Variants in POU6F2 observed in about 807,000 individuals in gnomAD.
POU6F2 encodes the protein POU class 6 homeobox 2.
POU6F2 carries 31 observed loss-of-function variants against 71.3 expected under a neutral mutation model. The ratio of observed to expected loss-of-function variants is 0.43; its 90% CI spans 0.33 to 0.59. The LOEUF (loss-of-function observed/expected upper bound fraction) is 0.59, where lower values mean the gene tolerates loss of function less well. POU6F2 is among the 20% of genes least tolerant of loss of function. POU6F2 has a pLI of 0.04. For synonymous variants in POU6F2, 347 were observed against 355.7 expected (o/e 0.98, Z 0.27); for missense variants, 783 against 856.8 (o/e 0.91, Z 1.07).
chr7:38,991,857 T>C (rs1788611691), intron 1 of POU6F2, among the ~76,000 whole-genome samples: 1 of 146,200 alleles, frequency 6.8e-6, no homozygotes, highest in South Asian at 2.1e-4. Context: ...TCTCTCTCTC[T>C]CCCTCTCTCT....
intron 7 of POU6F2, among the ~76,000 whole-genome samples, chr7:39,449,047 C>T (rs1330197136): frequency 6.6e-6 from 1 of 152,188 alleles, no homozygotes; most frequent in Admixed American, 6.5e-5. Flanking sequence ...TTTGGGATCC[C>T]ATGTCAATTG....
At chr7:39,369,666 T>C (rs1786570248) in intron 5 of POU6F2, among the ~76,000 whole-genome samples, 1 of 152,086 alleles carries the variant, frequency 6.6e-6, no homozygotes, top group East Asian at 1.9e-4. Context: ...GCCCAGTCAA[T>C]TGTTAGCATT....
intron 1 of POU6F2, among the ~76,000 whole-genome samples, chr7:39,062,109 A>T (rs1208509961): frequency 6.6e-6 from 1 of 152,164 alleles, no homozygotes; most frequent in Admixed American, 6.5e-5. Context: ...GTTCATGGAT[A>T]CTACACGTGT....
chr7:39,260,288 T>C (rs1784108250), intron 4 of POU6F2, among the ~76,000 whole-genome samples: 2 of 125,588 alleles, frequency 1.6e-5, no homozygotes, highest in East Asian at 2.4e-4. Context: ...CCACACACAC[T>C]CTCCATACCA....
intron 1 of POU6F2, among the ~76,000 whole-genome samples, chr7:38,996,432 CAGAA>C (rs35573708): frequency 0.16 from 23,892 of 152,050 alleles, 2,294 homozygotes; most frequent in Middle Eastern, 0.22. Flanking sequence ...TCCTTCTCTC[CAGAA>C]AGAGTCATTC....
intron 1 of POU6F2, among the ~76,000 whole-genome samples, chr7:39,064,068 A>G (rs1790710195): frequency 6.6e-6 from 1 of 152,148 alleles, no homozygotes; most frequent in East Asian, 1.9e-4. Context: ...CGTGAAGTAA[A>G]TGGATTGCTG....
At chr7:39,241,269 A>T (rs1222142687) in intron 4 of POU6F2, among the ~76,000 whole-genome samples, 1 of 152,176 alleles carries the variant, frequency 6.6e-6, no homozygotes, top group Non-Finnish European at 1.5e-5. Context: ...AGATTTACAT[A>T]ATCAATGGAG....
intron 4 of POU6F2, among the ~76,000 whole-genome samples, chr7:39,213,913 T>C (rs1794191246): frequency 6.6e-6 from 1 of 152,228 alleles, no homozygotes; most frequent in Non-Finnish European, 1.5e-5. Flanking sequence ...TCCGTTATCT[T>C]CCTTGGCCAC....
At chr7:39,271,285 G>A (rs1466938127) in intron 4 of POU6F2, among the ~76,000 whole-genome samples, 2 of 152,122 alleles carry the variant, frequency 1.3e-5, no homozygotes, top group African/African-American at 4.8e-5. Flanking sequence ...TACATATTGT[G>A]TTTGGCTGTT....
At chr7:39,162,333 G>T (rs749075592) in intron 2 of POU6F2, among the ~76,000 whole-genome samples, 1 of 152,164 alleles carries the variant, frequency 6.6e-6, no homozygotes, top group Non-Finnish European at 1.5e-5. Flanking sequence ...GTAGAAGAGT[G>T]GTACACGTTC....
At position 39,460,505 on chromosome 7, in the gene POU6F2, T is replaced by A; in HGVS notation, c.1490-42T>A. 1 of 1,599,190 alleles carries A rather than the reference T, an allele frequency of 6.3e-7. No homozygotes were observed. The highest frequency in any genetic ancestry group is 1.1e-5 in the South Asian group (1 of 88,690). On this transcript the variant is annotated intron_variant, in intron 8 of 9. Transcript: ENST00000518318. This position sits in a 1 kb window ranked among gnomAD's most constrained non-coding sequence, Gnocchi z 4.4. ...GTAATAAACAGATATTGCTCGGCTG[T>A]GTGTTGACGTATTGATCCTATTTTT...
At chr7:39,456,230 T>C (rs1423367787) in intron 8 of POU6F2, among the ~76,000 whole-genome samples, 3 of 152,182 alleles carry the variant, frequency 2.0e-5, no homozygotes, top group Non-Finnish European at 4.4e-5. Context: ...CAAGGTGGCC[T>C]TCAGATTCAT....
intron 2 of POU6F2, among the ~76,000 whole-genome samples, chr7:39,151,514 T>C (rs983386230): frequency 6.6e-6 from 1 of 152,198 alleles, no homozygotes; most frequent in Non-Finnish European, 1.5e-5. Flanking sequence ...CTTCCTGAAG[T>C]AGATAAATTG....
At chr7:39,033,885 G>GT (rs1790003819) in intron 1 of POU6F2, among the ~76,000 whole-genome samples, 1 of 152,192 alleles carries the variant, frequency 6.6e-6, no homozygotes, top group South Asian at 2.1e-4. Context: ...TTTTTCAGAT[G>GT]TGGTGCTTTT....
At chr7:39,121,534 T>A (rs1342766447) in intron 2 of POU6F2, among the ~76,000 whole-genome samples, 8 of 152,236 alleles carry the variant, frequency 5.3e-5, no homozygotes, top group Admixed American at 4.6e-4. Flanking sequence ...CTCGTTATTA[T>A]TTCTCACTCA....
At chr7:39,458,176 G>C (rs1306812199) in intron 8 of POU6F2, among the ~76,000 whole-genome samples, 1 of 152,084 alleles carries the variant, frequency 6.6e-6, no homozygotes, top group Non-Finnish European at 1.5e-5. Flanking sequence ...TAAACGCAGG[G>C]TCACAAAACG....
At chr7:39,025,544 A>G (rs62442160) in intron 1 of POU6F2, among the ~76,000 whole-genome samples, 25,415 of 152,018 alleles carry the variant, frequency 0.17, 2,522 homozygotes, top group Non-Finnish European at 0.23. Context: ...CTGGCTAGCC[A>G]TATGTAGAAA....
chr7:39,287,269 G>C (rs1410275693), intron 4 of POU6F2, among the ~76,000 whole-genome samples: 1 of 152,160 alleles, frequency 6.6e-6, no homozygotes, highest in Non-Finnish European at 1.5e-5. Context: ...AGGAAGATAA[G>C]TTCTAAATCC....
intron 1 of POU6F2, among the ~76,000 whole-genome samples, chr7:39,031,673 G>T (rs932326462): frequency 1.3e-5 from 2 of 152,056 alleles, no homozygotes; most frequent in Non-Finnish European, 2.9e-5. Flanking sequence ...ATTTGACAAG[G>T]AGTTCGAGAG....
Sources: gnomAD v4.1 joint callset for allele counts (sites outside exome capture counted in the v4.1 genomes callset) on GRCh38, gnomAD v4.1.1 for gene constraint, Gnocchi (gnomAD v3.1) non-coding constraint, MANE v1.5 for transcripts, NCBI Gene and HGNC (gene_info 2026-07-23, HGNC 2026-07-21) for gene names.